The following HERC2 variants were observed in gnomAD, a reference collection of about 807,000 sequenced individuals.
HERC2 encodes the protein HECT and RLD domain containing E3 ubiquitin protein ligase 2.
In HERC2, 102 loss-of-function variants were observed where a neutral mutation model predicts 537.7. The ratio of observed to expected loss-of-function variants is 0.19; its 90% CI spans 0.16 to 0.22. The LOEUF (loss-of-function observed/expected upper bound fraction) is 0.22. Among genes scored for constraint, HERC2 ranks in the 10% least tolerant of loss-of-function variants. The pLI is 1.00. For synonymous variants in HERC2, 2,224 were observed against 2,466.2 expected, an observed-to-expected ratio of 0.90 and a Z score of 2.91; for missense variants, 4,236 against 6,198.2, an observed-to-expected ratio of 0.68 and a Z score of 10.63.
intron 16 of HERC2, among the ~76,000 whole-genome samples, chr15:28,259,094 G>A (rs1255077405): frequency 6.6e-6 from 1 of 151,964 alleles, no homozygotes; most frequent in Non-Finnish European, 1.5e-5. Flanking sequence ...TCTTTTTTTT[G>A]TTTGTTTTTG....
chr15:28,127,577 G>A (rs534738661), intron 83 of HERC2, among the ~76,000 whole-genome samples: 4 of 152,110 alleles, frequency 2.6e-5, no homozygotes, highest in Non-Finnish European at 5.9e-5. Context: ...GAGCGGTGAC[G>A]CCTCAATAGC....
chr15:28,240,184 C>T (rs1902923261), intron 23 of HERC2, among the ~76,000 whole-genome samples: 1 of 152,136 alleles, frequency 6.6e-6, no homozygotes. Flanking sequence ...TTTGGGAGGC[C>T]AAGGTGGGCA....
chr15:28,217,991 T>C (rs2525902), intron 38 of HERC2, among the ~76,000 whole-genome samples: 11,782 of 151,324 alleles, frequency 0.078, 1,602 homozygotes, highest in African/African-American at 0.28. Context: ...GCCAGTGTTA[T>C]GGGTTGAATT....
intron 69 of HERC2, among the ~76,000 whole-genome samples, chr15:28,156,328 C>T (rs1407807683): frequency 1.3e-5 from 2 of 152,302 alleles, no homozygotes; most frequent in East Asian, 3.9e-4. Context: ...ATGGGGATGG[C>T]ATTGAATCTA....
chr15:28,167,485 A>C (rs1288073265), intron 68 of HERC2, among the ~76,000 whole-genome samples: 1 of 152,192 alleles, frequency 6.6e-6, no homozygotes, highest in Non-Finnish European at 1.5e-5. Flanking sequence ...CTGATACTCA[A>C]GGAATACACG....
At chr15:28,241,880 T>C (rs1365461240) in intron 23 of HERC2, among the ~76,000 whole-genome samples, 3 of 152,092 alleles carry the variant, frequency 2.0e-5, no homozygotes, top group Non-Finnish European at 2.9e-5. Flanking sequence ...CCCACATTCA[T>C]AGCAGCATTA....
At chr15:28,271,463 T>G (rs932285586) in intron 9 of HERC2, among the ~76,000 whole-genome samples, 9 of 152,034 alleles carry the variant, frequency 5.9e-5, no homozygotes, top group African/African-American at 2.2e-4. Context: ...GGTCGAGAGA[T>G]CGAGACCATC....
intron 35 of HERC2, among the ~76,000 whole-genome samples, chr15:28,227,058 T>C (rs1056143351): frequency 4.7e-4 from 71 of 152,330 alleles, no homozygotes; most frequent in African/African-American, 1.7e-3. Flanking sequence ...GCAGATCACC[T>C]GAGGTCAGGA....
rs67813649 is a variant in HERC2, at chr15:28,291,909, G to GA, written c.322+978dup. Among the ~76,000 whole-genome samples, 209 of 37,970 alleles carry GA rather than the reference G, an allele frequency of 5.5e-3. 10 individuals carry two copies. Among genetic ancestry groups the GA allele is most frequent in the African/African-American group, 0.012 (120 of 9,908 alleles). 24.9% of individuals were successfully genotyped at this position (37,970 alleles called of 152,430 possible). A position where few individuals can be genotyped will look rare whatever the true frequency, so the allele number is the denominator to read the frequency against. On this transcript the variant is annotated intron_variant, in intron 4 of 92. Coordinates refer to ENST00000261609, the MANE Select transcript of HERC2 (RefSeq NM_004667.6). The stretch of plus-strand genomic sequence containing the variant: ...GACAGAACAAGACTCCGTCTCAAAG[G>GA]AAAAAAAAAAAAAAAAAAAAAAAAA...
At position 28,195,111 on chromosome 15, in the gene HERC2, T is replaced by C. The variant is rs777153350; in HGVS notation, c.8260+1104A>G. Among the ~76,000 whole-genome samples, 8 of 151,528 alleles carry C rather than the reference T, an allele frequency of 5.3e-5. No individual in the cohort carries two copies. The East Asian group carries it at 7.8e-4, about 15-fold the overall frequency. ...ACATATAAATCAGAATGAAGATAAA[T>C]GATCTTAAAGAGAACTAAGGTTTTT... On this transcript the variant is annotated intron_variant, in intron 52 of 92. Transcript: ENST00000261609.
Position 28,270,601 on chromosome 15 carries a change from C to G in HERC2, c.1257+94G>C, listed in dbSNP as rs2075697599. 4 of 1,240,736 alleles carry G rather than the reference C, an allele frequency of 3.2e-6. No homozygotes were observed. In the East Asian group the frequency reaches 9.4e-5, roughly 29 times the overall value. The allele number at this position is 1,240,736 out of a possible 1,614,324, so 76.9% of individuals were successfully genotyped here. A position where few individuals can be genotyped will look rare whatever the true frequency, so the allele number is the denominator to read the frequency against. ...ACAGGCCAGCTCCCCCTACCAATAC[C>G]AGAAAAAGCAAGTCTCCACACGGGC... On this transcript the variant is annotated intron_variant, in intron 10 of 92. Coordinates refer to ENST00000261609, the MANE Select transcript of HERC2 (RefSeq NM_004667.6).
chr15:28,116,067 G>A (rs1363524131), intron 88 of HERC2, among the ~76,000 whole-genome samples: 2 of 152,154 alleles, frequency 1.3e-5, no homozygotes, highest in African/African-American at 2.4e-5. Context: ...GCACGTGGCC[G>A]GGGCTGGCTC....
rs181399139 is a variant in HERC2, at chr15:28,139,593, G to C, written c.12015+1839C>G. Among the ~76,000 whole-genome samples, 75 of 152,282 alleles carry C rather than the reference G, an allele frequency of 4.9e-4. No homozygotes were observed. The East Asian group carries it at 9.5e-3, about 19-fold the overall frequency. ...ACTATGAAATAATAAATGTGTGTGA[G>C]ACAGTACATTACATGAGAGTATCTC... On this transcript the variant is annotated intron_variant, in intron 78 of 92. Transcript: ENST00000261609.
At chr15:28,153,962 A>T (rs969814422) in intron 69 of HERC2, among the ~76,000 whole-genome samples, 1 of 152,190 alleles carries the variant, frequency 6.6e-6, no homozygotes, top group African/African-American at 2.4e-5. Context: ...GCCGACCCCA[A>T]CACAGCTGCC....
intron 20 of HERC2, among the ~76,000 whole-genome samples, chr15:28,251,197 C>A (rs1044013881): frequency 6.6e-6 from 1 of 152,206 alleles, no homozygotes; most frequent in African/African-American, 2.4e-5. Flanking sequence ...AATCCCAACA[C>A]TTTTGGAGGC....
intron 35 of HERC2, 85 bp downstream of exon 35, chr15:28,228,129 TAAAA>T: frequency 2.1e-6 from 2 of 940,238 alleles, no homozygotes; most frequent in Non-Finnish European, 3.0e-6. Flanking sequence ...CAAAAAGCTT[TAAAA>T]AAAAAAAAAA....
chr15:28,122,864 C>T lies in HERC2; in HGVS notation c.13188+1173G>A, dbSNP rs889521879. 6.6e-6 allele frequency among the ~76,000 whole-genome samples: 1 copy of T among 152,134 alleles called. No individual in the cohort carries two copies. Among genetic ancestry groups the T allele is most frequent in the African/African-American group, 2.4e-5 (1 of 41,416 alleles). On this transcript the variant is annotated intron_variant, in intron 85 of 92. Transcript: ENST00000261609. This position sits in a 1 kb window ranked among gnomAD's most constrained non-coding sequence, Gnocchi z 4.1. ...CACCAGCTCCCACCCATGCCCCGCT[C>T]ACAGCCTGCACAACGCTCACACAGG... is the stretch of plus-strand genomic sequence containing the variant.
chr15:28,273,294 T>C, intron 7 of HERC2: 2 of 456,794 alleles, frequency 4.4e-6, no homozygotes, highest in South Asian at 2.3e-5. Context: ...ATCAAAAACA[T>C]AAGTAGAAGA....
intron 79 of HERC2, among the ~76,000 whole-genome samples, chr15:28,133,596 A>G (rs1049375080): frequency 1.3e-5 from 2 of 152,360 alleles, no homozygotes; most frequent in African/African-American, 4.8e-5. Context: ...ATTCATGACT[A>G]TGGTTCATTT....
Sources: allele counts gnomAD v4.1 joint callset (sites outside exome capture counted in the v4.1 genomes callset), GRCh38; gene constraint gnomAD v4.1.1; non-coding constraint Gnocchi (gnomAD v3.1); transcripts MANE v1.5; gene names NCBI Gene and HGNC (gene_info 2026-07-23, HGNC 2026-07-21).